The following MTMR10 variants were observed in gnomAD, a reference collection of about 807,000 sequenced individuals.
The protein encoded by MTMR10 is myotubularin related protein 10, also known as myotubularin-related protein 10.
MTMR10 carries 56 observed loss-of-function variants against 88.1 expected under a neutral mutation model. The observed-to-expected ratio is 0.64, with a 90% CI of 0.51 to 0.79. The LOEUF (loss-of-function observed/expected upper bound fraction) is 0.79. MTMR10 is among the 30% of genes least tolerant of loss of function. The pLI, the probability that MTMR10 is intolerant of heterozygous loss-of-function variation, is 0.00. For missense variants in MTMR10, 883 were observed against 924.7 expected, an observed-to-expected ratio of 0.95 and a Z score of 0.58; for synonymous variants, 380 against 340.9, an observed-to-expected ratio of 1.11 and a Z score of -1.26.
At chr15:30,925,004 G>A in the MTMR10 span, 2 of 990,570 alleles carry the variant, frequency 2.0e-6, no homozygotes, top group Non-Finnish European at 3.0e-6. Context: ...TAGAAGTGCT[G>A]TTTGCTCATT....
At chr15:30,955,883 T>G (rs1050419991) in intron 9 of MTMR10, among the ~76,000 whole-genome samples, 1 of 152,010 alleles carries the variant, frequency 6.6e-6, no homozygotes, top group African/African-American at 2.4e-5. Flanking sequence ...CTACTATAAA[T>G]ATGTGCCATG....
intron 10 of MTMR10, among the ~76,000 whole-genome samples, chr15:30,954,451 A>G (rs11852722): frequency 0.047 from 7,209 of 152,290 alleles, 570 homozygotes; most frequent in African/African-American, 0.16. Flanking sequence ...TACAATCTTA[A>G]TAAGTTTGTC....
chr15:30,943,302 A>G (rs2063112448), intron 14 of MTMR10: 1 of 985,412 alleles, frequency 1.0e-6, no homozygotes, highest in Non-Finnish European at 1.2e-6. Flanking sequence ...CCTCTGCCTT[A>G]GGACCCCAAG....
At chr15:30,929,313 G>T in the MTMR10 span, 1 of 1,612,562 alleles carries the variant, frequency 6.2e-7, no homozygotes, top group Admixed American at 1.7e-5. Context: ...TGCGGGCCTG[G>T]GTGGCAGCCA....
chr15:30,947,101 A>G (rs779029238), intron 14 of MTMR10, 29 bp downstream of exon 14: 4 of 1,559,608 alleles, frequency 2.6e-6, no homozygotes, highest in Non-Finnish European at 2.6e-6. Flanking sequence ...AAACAGGGAA[A>G]ACGTAGCCAC....
intron 12 of MTMR10, chr15:30,949,620 A>G (rs2063215757): frequency 6.6e-6 from 1 of 152,178 alleles, no homozygotes; most frequent in Admixed American, 6.5e-5. Context: ...TAACAAAATA[A>G]ATATAAGACT....
the MTMR10 span, chr15:30,922,480 CTT>C: frequency 8.9e-6 from 9 of 1,012,536 alleles, no homozygotes; most frequent in Non-Finnish European, 1.2e-5. Flanking sequence ...TAACATTCTT[CTT>C]TTGTCTGTGT....
intron 5 of MTMR10, among the ~76,000 whole-genome samples, chr15:30,971,954 C>T (rs544186880): frequency 2.0e-5 from 3 of 152,242 alleles, no homozygotes; most frequent in African/African-American, 4.8e-5. Flanking sequence ...ACAACACCAA[C>T]AAGACAACCA....
chr15:30,989,631 G>A (rs2031175440), intron 2 of MTMR10, among the ~76,000 whole-genome samples: 1 of 149,574 alleles, frequency 6.7e-6, no homozygotes. Flanking sequence ...CGCCCAGGCT[G>A]GACTGCAGTG....
At chr15:30,949,661 A>C (rs1352493001) in intron 12 of MTMR10, 1 of 152,260 alleles carries the variant, frequency 6.6e-6, no homozygotes, top group Non-Finnish European at 1.5e-5. Flanking sequence ...ATAAAATGAA[A>C]GATCTAAATA....
chr15:30,952,353 G>A (rs2063260732), intron 11 of MTMR10, among the ~76,000 whole-genome samples: 1 of 152,172 alleles, frequency 6.6e-6, no homozygotes, highest in African/African-American at 2.4e-5. Flanking sequence ...TCTCAAAGGA[G>A]TATATTTTGT....
In MTMR10 at chr15:30,941,495, G is replaced by C; in HGVS notation, c.2309C>G (p.Thr770Ser). The change falls in exon 16 of 16, where the codon ACT (threonine) becomes AGT (serine). Residue 770 changes from threonine to serine, a missense_variant. By Grantham distance (58) the Thr-to-Ser change is moderately conservative (BLOSUM62 1). Around this residue, in one of 3 missense-constraint regions of MTMR10, gnomAD observed 343 missense variants for 323.2 expected, o/e 1.06. Transcript: ENST00000435680. ...FLSGAKIWLS[T>S]ETLANED The stretch of plus-strand genomic sequence containing the variant: ...TTAGTCTTCATTTGCTAATGTCTCA[G>C]TAGACAACCATATTTTGGCCCCACT... 6.2e-7 allele frequency: 1 copy of C among 1,611,244 alleles called. No individual in the cohort carries two copies. The highest frequency in any genetic ancestry group is 8.5e-7 in the Non-Finnish European group (1 of 1,178,446).
rs3817496 is a variant in MTMR10, at chr15:30,943,914, T to C, written c.1549-842A>G. 7 of 985,380 alleles carry C rather than the reference T, an allele frequency of 7.1e-6. No individual in the cohort carries two copies. In the East Asian group the frequency reaches 7.9e-4, roughly 112 times the overall value. The allele number at this position is 985,380 out of a possible 1,614,324, so 61.0% of individuals were successfully genotyped here. ...GGCAGCAGGCTACCACAGCAGTGTA[T>C]ACACAACAGTTCGCTGGAGGAAATA... On this transcript the variant is annotated intron_variant, in intron 14 of 15. Transcript: ENST00000435680.
chr15:30,942,212 G>A (rs1456926303), intron 15 of MTMR10, 140 bp from the exon 16 acceptor site: 2 of 1,048,384 alleles, frequency 1.9e-6, no homozygotes, highest in African/African-American at 1.6e-5. Context: ...CTTCCTTTGT[G>A]TCCTTATTCT....
At chr15:30,932,658 A>G in the MTMR10 span, among the ~76,000 whole-genome samples, 8 of 151,898 alleles carry the variant, frequency 5.3e-5, no homozygotes, top group African/African-American at 1.5e-4. Context: ...GTGTCTTTCA[A>G]GGAATTTGTC....
At chr15:30,949,430 A>G (rs1343961045) in intron 12 of MTMR10, 1 of 152,236 alleles carries the variant, frequency 6.6e-6, no homozygotes, top group Non-Finnish European at 1.5e-5. Flanking sequence ...GTCTTTGAAG[A>G]CAATATGATC....
the MTMR10 span, chr15:30,925,098 G>A: frequency 1.2e-5 from 19 of 1,585,256 alleles, no homozygotes; most frequent in East Asian, 2.3e-5. Flanking sequence ...TTTTTTAGGA[G>A]CCTGATGTGT....
chr15:30,929,340 A>G, the MTMR10 span: 1 of 1,611,894 alleles, frequency 6.2e-7, no homozygotes, highest in Non-Finnish European at 8.5e-7. Context: ...ATGAGCAGGA[A>G]GGCAGAGTGG....
intron 2 of MTMR10, among the ~76,000 whole-genome samples, chr15:30,989,435 T>C (rs550187216): frequency 6.6e-6 from 1 of 152,326 alleles, no homozygotes; most frequent in African/African-American, 2.4e-5. Flanking sequence ...TTTTAATATT[T>C]TGTCCCTATA....
Sources: gnomAD v4.1 joint callset for allele counts (sites outside exome capture counted in the v4.1 genomes callset) on GRCh38, gnomAD v4.1.1 for gene constraint, gnomAD v4.1.1 regional missense constraint, MANE v1.5 for transcripts, NCBI Gene and HGNC (gene_info 2026-07-23, HGNC 2026-07-21) for gene names.